NRF1: variants seen among roughly 807,000 people sequenced by gnomAD.
NRF1 encodes the protein alpha palindromic-binding protein.
NRF1 carries 5 observed loss-of-function variants against 58.5 expected under a neutral mutation model. That is an observed-to-expected ratio of 0.09 (90% confidence interval 0.04 to 0.18). The LOEUF (loss-of-function observed/expected upper bound fraction) is 0.18, where lower values mean the gene tolerates loss of function less well. Ranked by LOEUF, NRF1 falls within the 10% of genes least tolerant of loss-of-function variation. The probability of loss-of-function intolerance (pLI) is 1.00; values close to 1 mark genes in which losing one functional copy is unlikely to be tolerated. For missense variants in NRF1, 288 were observed against 657.7 expected (o/e 0.44, Z 6.15); for synonymous variants, 224 against 246.7 (o/e 0.91, Z 0.86).
chr7:129,752,283 T>C (rs1452752784), intron 10 of NRF1, among the ~76,000 whole-genome samples: 2 of 144,890 alleles, frequency 1.4e-5, no homozygotes, highest in African/African-American at 2.6e-5. Context: ...AAGGAAGGAG[T>C]GGGGGATAAG....
chr7:129,622,219 C>G (rs1006861618), intron 1 of NRF1, among the ~76,000 whole-genome samples: 2 of 152,104 alleles, frequency 1.3e-5, no homozygotes, highest in African/African-American at 2.4e-5. Flanking sequence ...AATGAAAATG[C>G]ATTAGCGTTT....
intron 9 of NRF1, among the ~76,000 whole-genome samples, chr7:129,717,936 G>T (rs1026794334): frequency 5.3e-5 from 8 of 152,184 alleles, no homozygotes; most frequent in Non-Finnish European, 7.3e-5. Flanking sequence ...TGTTTAAGCA[G>T]CAAATGGCTG....
At chr7:129,733,167 C>T (rs930524960) in intron 10 of NRF1, among the ~76,000 whole-genome samples, 1 of 152,078 alleles carries the variant, frequency 6.6e-6, no homozygotes, top group South Asian at 2.1e-4. Flanking sequence ...TTTTAAAGTT[C>T]ATTTGAAAGA....
intron 1 of NRF1, among the ~76,000 whole-genome samples, chr7:129,639,668 C>T (rs1208911425): frequency 6.6e-6 from 1 of 151,706 alleles, no homozygotes; most frequent in Non-Finnish European, 1.5e-5. Flanking sequence ...CTGCCTCAGC[C>T]TCCCGAGTAG....
chr7:129,674,228 G>A (rs1802123575), intron 3 of NRF1, among the ~76,000 whole-genome samples: 2 of 152,094 alleles, frequency 1.3e-5, no homozygotes, highest in Admixed American at 1.3e-4. Context: ...ATGAAAATCT[G>A]AAGCTACAAC....
intron 10 of NRF1, among the ~76,000 whole-genome samples, chr7:129,745,165 C>G (rs1226773635): frequency 6.6e-6 from 1 of 152,288 alleles, no homozygotes; most frequent in Admixed American, 6.5e-5. Flanking sequence ...GCTCCACTTT[C>G]CATTTTAAAA....
rs1237154513 is a variant in NRF1, at chr7:129,619,402, A to G, written c.-7+7578A>G. On this transcript the variant is annotated intron_variant, in intron 1 of 10. Coordinates refer to ENST00000393232, the MANE Select transcript of NRF1 (RefSeq NM_005011.5). ...AACTGGACTTGGCATACGTGTATAT[A>G]TATATATATATATATATATATATAT... is the stretch of plus-strand genomic sequence containing the variant. Among the ~76,000 whole-genome samples the G allele has an allele frequency of 1.9e-3, 102 of 54,610 alleles. 2 individuals are homozygous for G. The South Asian group carries it at 0.029, about 16-fold the overall frequency. The allele number at this position is 54,610 out of a possible 152,430, so 35.8% of individuals were successfully genotyped here. A position where few individuals can be genotyped will look rare whatever the true frequency, so the allele number is the denominator to read the frequency against.
chr7:129,671,566 T>C (rs1277292901), intron 3 of NRF1, 23 bp downstream of exon 3: 1 of 1,243,418 alleles, frequency 8.0e-7, no homozygotes, highest in Non-Finnish European at 1.2e-6. Context: ...TTATCCATAT[T>C]GTTACTATTC....
chr7:129,629,991 A>G (rs748901504), intron 1 of NRF1: 6 of 152,248 alleles, frequency 3.9e-5, no homozygotes, highest in Non-Finnish European at 5.9e-5. Context: ...AAGAATCTCA[A>G]GGACCCCCAG....
chr7:129,754,499 A>T (rs1804204831), intron 10 of NRF1, among the ~76,000 whole-genome samples: 1 of 146,374 alleles, frequency 6.8e-6, no homozygotes, highest in Non-Finnish European at 1.5e-5. Context: ...AATGGAAAAA[A>T]GTTGATTTCC....
At chr7:129,652,934 G>A (rs1801570310) in intron 1 of NRF1, among the ~76,000 whole-genome samples, 1 of 151,920 alleles carries the variant, frequency 6.6e-6, no homozygotes, top group African/African-American at 2.4e-5. Flanking sequence ...TGGTATATAG[G>A]GTAATTTTAA....
At chr7:129,686,101 CAAAAAA>C (rs540355035) in intron 4 of NRF1, among the ~76,000 whole-genome samples, 1 of 57,776 alleles carries the variant, frequency 1.7e-5, no homozygotes, top group Non-Finnish European at 3.8e-5. Context: ...GACTGTATCT[CAAAAAA>C]AAAAAAAAAA....
intron 4 of NRF1, among the ~76,000 whole-genome samples, chr7:129,678,622 G>C (rs1424437142): frequency 6.6e-6 from 1 of 152,052 alleles, no homozygotes; most frequent in African/African-American, 2.4e-5. Flanking sequence ...GATGTGTTAG[G>C]ACCTTTCCTT....
chr7:129,725,546 C>T (rs1005237162), intron 9 of NRF1, among the ~76,000 whole-genome samples: 8 of 152,202 alleles, frequency 5.3e-5, no homozygotes, highest in Non-Finnish European at 8.8e-5. Context: ...AGGCTGGTCT[C>T]GAACTCCCGA....
At chr7:129,692,247 T>G (rs1457906344) in intron 5 of NRF1, among the ~76,000 whole-genome samples, 1 of 152,178 alleles carries the variant, frequency 6.6e-6, no homozygotes. Flanking sequence ...CCATTCTCCA[T>G]GTAGCCATCA....
Position 129,727,374 on chromosome 7 carries a change from G to T in NRF1, c.1348+9G>T, listed in dbSNP as rs1315068538. 1.3e-6 allele frequency: 2 copies of T among 1,573,028 alleles called. No individual in the cohort carries two copies. Among genetic ancestry groups the T allele is most frequent in the Non-Finnish European group, 1.7e-6 (2 of 1,166,596 alleles). On this transcript the variant is annotated intron_variant, in intron 10 of 10. Coordinates refer to ENST00000393232, the MANE Select transcript of NRF1 (RefSeq NM_005011.5). ...AGTCCAAGATGCTAATGGTAAGAGA[G>T]CATAAATATTTTATTAAATTTCTTC...
intron 10 of NRF1, among the ~76,000 whole-genome samples, chr7:129,737,802 CCATAAG>C (rs1208068739): frequency 2.0e-5 from 3 of 152,210 alleles, no homozygotes; most frequent in Admixed American, 6.5e-5. Flanking sequence ...TTTTCAGTCA[CCATAAG>C]CATAATAGCC....
At chr7:129,612,564 TCTTCCCCAG>T (rs1249051636) in intron 1 of NRF1, among the ~76,000 whole-genome samples, 1 of 152,170 alleles carries the variant, frequency 6.6e-6, no homozygotes, top group Admixed American at 6.5e-5. Flanking sequence ...CATTGTGTTT[TCTTCCCCAG>T]CTGAGATGTG....
At chr7:129,705,765 A>T (rs966594135) in intron 5 of NRF1, among the ~76,000 whole-genome samples, 1 of 152,090 alleles carries the variant, frequency 6.6e-6, no homozygotes, top group African/African-American at 2.4e-5. Flanking sequence ...AAAGAAAAAA[A>T]AGAAAAGAAG....
Sources: allele counts gnomAD v4.1 joint callset (sites outside exome capture counted in the v4.1 genomes callset), GRCh38; gene constraint gnomAD v4.1.1; transcripts MANE v1.5; gene names NCBI Gene and HGNC (gene_info 2026-07-23, HGNC 2026-07-21).